The following TNIP3 variants were observed in gnomAD, a reference collection of about 807,000 sequenced individuals.
TNIP3 encodes TNFAIP3-interacting protein 3.
In TNIP3, 34 loss-of-function variants were observed where a neutral mutation model predicts 54.1. The observed-to-expected ratio is 0.63, with a 90% CI of 0.48 to 0.84. The LOEUF is 0.84. Ranked by LOEUF, TNIP3 falls within the 40% of genes least tolerant of loss-of-function variation. The pLI is 0.00. For missense variants in TNIP3, 366 were observed against 387.6 expected (o/e 0.94, Z 0.47); for synonymous variants, 134 against 136.8 (o/e 0.98, Z 0.14).
chr4:121,150,579 AG>A (rs1486592767), intron 5 of TNIP3, among the ~76,000 whole-genome samples: 1 of 152,194 alleles, frequency 6.6e-6, no homozygotes, highest in African/African-American at 2.4e-5. Context: ...GCTTAGCCTT[AG>A]GGAAAATCAG....
At chr4:121,205,082 G>A (rs1006565509) in intron 2 of TNIP3, among the ~76,000 whole-genome samples, 1 of 152,126 alleles carries the variant, frequency 6.6e-6, no homozygotes, top group Non-Finnish European at 1.5e-5. Flanking sequence ...CATTTTAACA[G>A]GTAATAGGTG....
chr4:121,131,458 GT>G lies in TNIP3; in HGVS notation c.*1172del, dbSNP rs1328723608. 1.3e-5 allele frequency: 2 copies of G among 151,684 alleles called. No homozygotes were observed. Among genetic ancestry groups the G allele is most frequent in the Non-Finnish European group, 2.9e-5 (2 of 67,944 alleles). 9.4% of individuals were successfully genotyped at this position (151,684 alleles called of 1,614,324 possible). ...AATTGGCTTGAGAAGTCAGAATTAA[GT>G]TTTTCATTAAAATTAATCAAATCCA... On this transcript the variant is annotated 3_prime_UTR_variant, in exon 11 of 11. Coordinates refer to ENST00000057513, the MANE Select transcript of TNIP3 (RefSeq NM_024873.6).
At chr4:121,158,339 A>T (rs1255351812) in intron 3 of TNIP3, among the ~76,000 whole-genome samples, 4 of 152,180 alleles carry the variant, frequency 2.6e-5, no homozygotes, top group African/African-American at 9.7e-5. Flanking sequence ...ATGGACTTTA[A>T]ACCATATCTC....
chr4:121,188,497 A>G (rs1725137747), intron 2 of TNIP3, among the ~76,000 whole-genome samples: 1 of 152,188 alleles, frequency 6.6e-6, no homozygotes, highest in Admixed American at 6.5e-5. Context: ...CCAGTACAGA[A>G]GTCTCCAAAA....
intron 1 of TNIP3, among the ~76,000 whole-genome samples, chr4:121,223,883 C>T (rs558775409): frequency 6.6e-6 from 1 of 152,228 alleles, no homozygotes; most frequent in East Asian, 1.9e-4. Context: ...TTCAAAAAAA[C>T]ATACATTATT....
Position 121,147,772 on chromosome 4 carries a change from T to C in TNIP3, c.610-598A>G, listed in dbSNP as rs954782981. Among the ~76,000 whole-genome samples the C allele has an allele frequency of 3.9e-5, 6 of 152,352 alleles. No individual in the cohort carries two copies. In the East Asian group the frequency reaches 7.7e-4, roughly 20 times the overall value. ...AAAACATTCCTCTAAGATTCTGATTTAAATTACTACTTATATTGGAACCTA... is the reference window on the plus strand; with the variant it reads ...AAAACATTCCTCTAAGATTCTGATTCAAATTACTACTTATATTGGAACCTA... On this transcript the variant is annotated intron_variant, in intron 6 of 10. Coordinates refer to ENST00000057513, the MANE Select transcript of TNIP3 (RefSeq NM_024873.6).
intron 2 of TNIP3, among the ~76,000 whole-genome samples, chr4:121,191,930 G>T (rs1439938136): frequency 6.6e-6 from 1 of 152,084 alleles, no homozygotes; most frequent in African/African-American, 2.4e-5. Context: ...TGGTGATAAG[G>T]ACATAATTTT....
chr4:121,164,970 T>G (rs190837963), upstream of TNIP3, among the ~76,000 whole-genome samples: 55 of 151,968 alleles, frequency 3.6e-4, no homozygotes, highest in African/African-American at 1.3e-3. Context: ...TACTGGGTAG[T>G]ACAGATAAAA....
At chr4:121,138,977 A>G (rs1338867162) in intron 9 of TNIP3, among the ~76,000 whole-genome samples, 4 of 152,194 alleles carry the variant, frequency 2.6e-5, no homozygotes, top group Non-Finnish European at 5.9e-5. Context: ...GCAGAAGTAT[A>G]AACACTTGTA....
chr4:121,153,983 G>A, intron 5 of TNIP3, among the ~76,000 whole-genome samples: 1 of 151,814 alleles, frequency 6.6e-6, no homozygotes, highest in Admixed American at 6.6e-5. Flanking sequence ...AAACATGAAT[G>A]AACTAGTCCA....
chr4:121,185,361 C>T (rs543004994), intron 2 of TNIP3, among the ~76,000 whole-genome samples: 1 of 152,356 alleles, frequency 6.6e-6, no homozygotes, highest in East Asian at 1.9e-4. Context: ...ATGGCGAAAG[C>T]CTCTGCTGAC....
intron 2 of TNIP3, among the ~76,000 whole-genome samples, chr4:121,184,125 A>AT (rs142233338): frequency 0.044 from 6,689 of 151,172 alleles, 489 homozygotes; most frequent in African/African-American, 0.15. Flanking sequence ...TAATTGTGTG[A>AT]TTTTTTTTTC....
chr4:121,154,430 C>T, intron 5 of TNIP3, 121 bp downstream of exon 5: 3 of 1,248,110 alleles, frequency 2.4e-6, no homozygotes, highest in Non-Finnish European at 2.3e-6. Context: ...CAGATAATTT[C>T]TTGTGCAAGC....
At chr4:121,188,802 C>T (rs571073689) in intron 2 of TNIP3, among the ~76,000 whole-genome samples, 1 of 152,268 alleles carries the variant, frequency 6.6e-6, no homozygotes, top group South Asian at 2.1e-4. Flanking sequence ...TTAATTAATA[C>T]ATTGAATAAA....
intron 2 of TNIP3, among the ~76,000 whole-genome samples, chr4:121,185,160 C>T (rs1242292963): frequency 6.6e-6 from 1 of 152,196 alleles, no homozygotes; most frequent in Non-Finnish European, 1.5e-5. Context: ...CTCAAATGAT[C>T]TCGTTTCCTT....
chr4:121,175,059 C>T lies in TNIP3; in HGVS notation c.189+7617G>A, dbSNP rs112249126. Among the ~76,000 whole-genome samples the T allele has an allele frequency of 9.2e-3, 1,407 of 152,312 alleles. 25 individuals are homozygous for T. The highest frequency in any genetic ancestry group is 0.032 in the African/African-American group (1,323 of 41,558). On this transcript the variant is annotated intron_variant, in intron 3 of 12. Transcript: ENST00000507879. ...AAATAGATCAAGAATATAATGAACACATTTGCTAAACAACTCTTATGAACA... is the reference window on the plus strand; with the variant it reads ...AAATAGATCAAGAATATAATGAACATATTTGCTAAACAACTCTTATGAACA...
chr4:121,154,306 A>C, intron 5 of TNIP3: 1 of 451,464 alleles, frequency 2.2e-6, no homozygotes, highest in Non-Finnish European at 3.9e-6. Context: ...CTGTCTCTGT[A>C]ATTCCTCCTC....
intron 1 of TNIP3, among the ~76,000 whole-genome samples, chr4:121,223,230 G>A (rs903008745): frequency 3.9e-5 from 6 of 152,196 alleles, no homozygotes; most frequent in Non-Finnish European, 7.3e-5. Flanking sequence ...AGTTCCTCCA[G>A]GCAGATGCTC....
intron 1 of TNIP3, among the ~76,000 whole-genome samples, chr4:121,223,791 T>C (rs910035961): frequency 2.6e-5 from 4 of 152,182 alleles, no homozygotes; most frequent in Admixed American, 2.6e-4. Flanking sequence ...CAACAGATCA[T>C]TAGCAACTAA....
Sources: allele counts gnomAD v4.1 joint callset (sites outside exome capture counted in the v4.1 genomes callset), GRCh38; gene constraint gnomAD v4.1.1; transcripts MANE v1.5; gene names NCBI Gene and HGNC (gene_info 2026-07-23, HGNC 2026-07-21).